CREB3L2: variants seen among roughly 807,000 people sequenced by gnomAD.
CREB3L2 encodes the protein cAMP responsive element binding protein 3 like 2.
Under a neutral mutation model 57.2 loss-of-function variants are expected in CREB3L2, and 23 were observed. The observed-to-expected ratio is 0.40, with a 90% confidence interval of 0.29 to 0.57. The LOEUF is 0.57. Ranked by LOEUF, CREB3L2 falls within the 20% of genes least tolerant of loss-of-function variation. The pLI, the probability that CREB3L2 is intolerant of heterozygous loss-of-function variation, is 0.42. For synonymous variants in CREB3L2, 268 were observed against 265.1 expected, an observed-to-expected ratio of 1.01 and a Z score of -0.11; for missense variants, 628 against 634.7, an observed-to-expected ratio of 0.99 and a Z score of 0.11.
rs1799140190 is a variant in CREB3L2, at chr7:137,875,940, A to G, written c.*4536T>C. On this transcript the variant is annotated 3_prime_UTR_variant, in exon 12 of 12. Coordinates refer to ENST00000330387, the MANE Select transcript of CREB3L2 (RefSeq NM_194071.4). Reference sequence around the variant, plus strand: ...ACAACACCTAGTTTTTTCCTGTGTTAAGTGCTGACCCTTTGACCACAAAGG... The same window carrying G: ...ACAACACCTAGTTTTTTCCTGTGTTGAGTGCTGACCCTTTGACCACAAAGG... 4.4e-6 allele frequency: 1 copy of G among 226,616 alleles called. No homozygotes were observed. The highest frequency in any genetic ancestry group is 5.7e-5 in the Admixed American group (1 of 17,548). The allele number at this position is 226,616 out of a possible 1,614,324, so 14.0% of individuals were successfully genotyped here.
In CREB3L2 at chr7:137,885,063, T is replaced by C. The variant is rs765254508; in HGVS notation, c.1202A>G (p.Tyr401Cys). The C allele has an allele frequency of 6.2e-7, 1 of 1,614,072 alleles. No individual in the cohort carries two copies. Among genetic ancestry groups the C allele is most frequent in the Admixed American group, 1.7e-5 (1 of 60,016 alleles). The change falls in exon 10 of 12, where the codon TAT (tyrosine) becomes TGT (cysteine). Residue 401 changes from tyrosine to cysteine, a missense_variant. By Grantham distance (194) the Tyr-to-Cys change is radical. Around this residue, in one of 3 missense-constraint regions of CREB3L2, gnomAD observed 272 missense variants for 242.7 expected, o/e 1.12. Transcript: ENST00000330387. ...CAGAGCCATCTTGGTGGCAGAAGGA[T>C]AGGGCCCGTAGCCTTGAAAGAAGCT... ...FGSFFQGYGP[Y>C]PSATKMALPS...
At chr7:137,997,610 C>T (rs1483108627) in intron 1 of CREB3L2, among the ~76,000 whole-genome samples, 1 of 151,980 alleles carries the variant, frequency 6.6e-6, no homozygotes, top group Non-Finnish European at 1.5e-5. Context: ...CACTGATACT[C>T]CCAGCTACTC....
At chr7:137,961,529 C>G (rs1194906998) in intron 1 of CREB3L2, among the ~76,000 whole-genome samples, 2 of 152,200 alleles carry the variant, frequency 1.3e-5, no homozygotes, top group Non-Finnish European at 2.9e-5. Context: ...CCTTTGCCAT[C>G]ACAGGATACA....
At chr7:137,934,758 A>G (rs895632444) in intron 1 of CREB3L2, among the ~76,000 whole-genome samples, 2 of 152,256 alleles carry the variant, frequency 1.3e-5, no homozygotes, top group Non-Finnish European at 2.9e-5. Flanking sequence ...GGAGATACTT[A>G]TTCGGCCTTA....
chr7:137,900,445 A>G (rs774335198), intron 8 of CREB3L2, among the ~76,000 whole-genome samples: 3 of 152,342 alleles, frequency 2.0e-5, no homozygotes, highest in Non-Finnish European at 2.9e-5. Context: ...AATTTTTGTA[A>G]AATGGGTTTG....
At chr7:137,910,017 C>T (rs1449947271) in intron 4 of CREB3L2, among the ~76,000 whole-genome samples, 3 of 152,166 alleles carry the variant, frequency 2.0e-5, no homozygotes, top group Admixed American at 1.3e-4. Context: ...TCCTTATCCA[C>T]GTGGAACTGT....
chr7:137,983,919 G>A (rs1187198732), intron 1 of CREB3L2, among the ~76,000 whole-genome samples: 1 of 152,064 alleles, frequency 6.6e-6, no homozygotes, highest in Non-Finnish European at 1.5e-5. Context: ...ATTCCCATCC[G>A]CACACTGCCC....
chr7:137,878,753 C>T lies in CREB3L2; in HGVS notation c.*1723G>A, dbSNP rs1351705859. On this transcript the variant is annotated 3_prime_UTR_variant, in exon 12 of 12. Transcript: ENST00000330387. Reference sequence around the variant, plus strand: ...GAGAGGGGAATCACTCACAGGGAGCCCCAAATGGGCCTAGACAGACAAGGC... The same window carrying T: ...GAGAGGGGAATCACTCACAGGGAGCTCCAAATGGGCCTAGACAGACAAGGC... 3 of 235,968 alleles carry T rather than the reference C, an allele frequency of 1.3e-5. No homozygotes were observed. Among genetic ancestry groups the T allele is most frequent in the Non-Finnish European group, 2.5e-5 (3 of 120,110 alleles). The allele number at this position is 235,968 out of a possible 1,614,324, so 14.6% of individuals were successfully genotyped here. A position where few individuals can be genotyped will look rare whatever the true frequency, so the allele number is the denominator to read the frequency against.
At chr7:137,906,941 T>C (rs1365437454) in intron 5 of CREB3L2, among the ~76,000 whole-genome samples, 1 of 152,140 alleles carries the variant, frequency 6.6e-6, no homozygotes, top group African/African-American at 2.4e-5. Flanking sequence ...AATTGCCCAA[T>C]CTCGGGTATG....
chr7:137,993,996 T>C (rs1801943249), intron 1 of CREB3L2, among the ~76,000 whole-genome samples: 1 of 152,264 alleles, frequency 6.6e-6, no homozygotes, highest in Non-Finnish European at 1.5e-5. Flanking sequence ...GCACTTCATT[T>C]AGAAAGGCCA....
chr7:137,956,536 T>G, intron 1 of CREB3L2: 8 of 1,067,958 alleles, frequency 7.5e-6, no homozygotes, highest in East Asian at 5.9e-5. Flanking sequence ...TAAGCCCACC[T>G]GAGCTGCTTT....
Position 137,881,339 on chromosome 7 carries a change from C to T in CREB3L2, c.1488-788G>A, listed in dbSNP as rs78827106. The stretch of plus-strand genomic sequence containing the variant: ...GCTCCAAAATCTAGAAATTTCCGAG[C>T]ATTGACATGACGCTCAAAGGAAATG... On this transcript the variant is annotated intron_variant, in intron 11 of 11. Transcript: ENST00000330387. Among the ~76,000 whole-genome samples the T allele has an allele frequency of 9.6e-3, 1,459 of 152,246 alleles. 28 individuals carry two copies. Among genetic ancestry groups the T allele is most frequent in the African/African-American group, 0.033 (1,360 of 41,516 alleles).
chr7:137,920,484 C>T (rs28375653), intron 2 of CREB3L2, among the ~76,000 whole-genome samples: 3,900 of 152,268 alleles, frequency 0.026, 167 homozygotes, highest in African/African-American at 0.087. Context: ...CTGACCCCCA[C>T]ACAGAAACAG....
intron 1 of CREB3L2, among the ~76,000 whole-genome samples, chr7:137,968,769 G>T (rs773880409): frequency 1.4e-4 from 22 of 152,030 alleles, no homozygotes; most frequent in African/African-American, 5.3e-4. Context: ...GCTCAGGCCC[G>T]CCACCAACTC....
intron 8 of CREB3L2, among the ~76,000 whole-genome samples, chr7:137,895,774 C>T (rs1799617744): frequency 6.6e-6 from 1 of 152,068 alleles, no homozygotes; most frequent in Non-Finnish European, 1.5e-5. Flanking sequence ...GTATCATTTT[C>T]TTTCATTTGG....
intron 7 of CREB3L2, among the ~76,000 whole-genome samples, chr7:137,902,355 A>G (rs1485174589): frequency 2.6e-5 from 4 of 152,014 alleles, no homozygotes; most frequent in African/African-American, 9.7e-5. Flanking sequence ...CTCCCTCTAT[A>G]CTACAGTAAT....
chr7:137,922,444 A>ATC (rs1800343075), intron 2 of CREB3L2: 1 of 102,542 alleles, frequency 9.8e-6, no homozygotes, highest in African/African-American at 8.7e-5. Flanking sequence ...ATACGTATAT[A>ATC]TATATATATA....
chr7:137,916,155 G>T, intron 2 of CREB3L2, 143 bp from the exon 3 acceptor site: 4 of 596,632 alleles, frequency 6.7e-6, no homozygotes, highest in Non-Finnish European at 1.1e-5. Flanking sequence ...AATATGTGAG[G>T]GAAAAGATTG....
At chr7:137,991,257 G>A (rs990116468) in intron 1 of CREB3L2, among the ~76,000 whole-genome samples, 17 of 151,350 alleles carry the variant, frequency 1.1e-4, no homozygotes, top group Non-Finnish European at 2.4e-4. Flanking sequence ...TCCACCTCCC[G>A]GGTTCATGCT....
Sources: allele counts gnomAD v4.1 joint callset (sites outside exome capture counted in the v4.1 genomes callset), GRCh38; gene constraint gnomAD v4.1.1; regional missense constraint gnomAD v4.1.1; transcripts MANE v1.5; gene names NCBI Gene and HGNC (gene_info 2026-07-23, HGNC 2026-07-21).